TBC1D1: variants seen among roughly 807,000 people sequenced by gnomAD.
The protein encoded by TBC1D1 is TBC1 (tre-2/USP6, BUB2, cdc16) domain family, member 1.
In TBC1D1, 89 loss-of-function variants were observed where a neutral mutation model predicts 125.6. The ratio of observed to expected loss-of-function variants is 0.71; its 90% confidence interval spans 0.60 to 0.85. TBC1D1 has a LOEUF of 0.85. Ranked by LOEUF, TBC1D1 falls within the 40% of genes least tolerant of loss-of-function variation. The probability of loss-of-function intolerance (pLI) is 0.00; values close to 1 mark genes in which losing one functional copy is unlikely to be tolerated. For synonymous variants in TBC1D1, 565 were observed against 564.1 expected (o/e 1.00, Z -0.02); for missense variants, 1,377 against 1,469.2 (o/e 0.94, Z 1.03).
chr4:37,992,067 C>A (rs943101907), intron 2 of TBC1D1, among the ~76,000 whole-genome samples: 2 of 152,132 alleles, frequency 1.3e-5, no homozygotes, highest in Non-Finnish European at 2.9e-5. Context: ...TGGTGGGAGA[C>A]CCTGAGGGTT....
At chr4:38,013,006 G>A (rs561803808) in intron 2 of TBC1D1, among the ~76,000 whole-genome samples, 57 of 152,024 alleles carry the variant, frequency 3.7e-4, no homozygotes, top group South Asian at 1.9e-3. Flanking sequence ...TGTTGGCCAG[G>A]CTGGTCTCAA....
chr4:37,948,906 T>C (rs1023466461), intron 2 of TBC1D1, among the ~76,000 whole-genome samples: 4 of 152,186 alleles, frequency 2.6e-5, no homozygotes, highest in Non-Finnish European at 4.4e-5. Flanking sequence ...TTTCACTTAG[T>C]ATAATGTTTT....
chr4:38,069,865 G>T (rs1754405588), intron 12 of TBC1D1, among the ~76,000 whole-genome samples: 1 of 77,700 alleles, frequency 1.3e-5, no homozygotes. Flanking sequence ...TCTGTTTTTT[G>T]TTTTGTTTTG....
Position 37,964,660 on chromosome 4 carries a change from CG to C in TBC1D1, c.418-49846del, listed in dbSNP as rs201125887. 4.3e-3 allele frequency among the ~76,000 whole-genome samples: 659 copies of C among 152,338 alleles called. 5 individuals are homozygous for C. Among genetic ancestry groups the C allele is most frequent in the African/African-American group, 0.014 (602 of 41,586 alleles). On this transcript the variant is annotated intron_variant, in intron 2 of 19. Coordinates refer to ENST00000261439, the MANE Select transcript of TBC1D1 (RefSeq NM_015173.4). ...GATGGGGACAAGGGGCAGCCTACTGCGGGTCTCACTTTCTTATTAGCCCCTG... is the reference window on the plus strand; with the variant it reads ...GATGGGGACAAGGGGCAGCCTACTGCGGTCTCACTTTCTTATTAGCCCCTG...
rs1742163826 is a variant in TBC1D1 at position 38,014,381 on chromosome 4, G to GTGGGCAC, written c.418-123_418-122insACTGGGC. On this transcript the variant is annotated intron_variant, in intron 2 of 19. Transcript: ENST00000261439. This position sits in a 1 kb window ranked among gnomAD's most constrained non-coding sequence, Gnocchi z 5.1. ...TCCCCTCCCGTGGGCTCCTCCTCCA[G>GTGGGCAC]TGGGCTCCTCCTCCAGTGCTCCGCA... 1.2e-6 allele frequency: 1 copy of GTGGGCAC among 845,656 alleles called. No homozygotes were observed. Among genetic ancestry groups the GTGGGCAC allele is most frequent in the African/African-American group, 1.7e-5 (1 of 59,394 alleles). 52.4% of individuals were successfully genotyped at this position (845,656 alleles called of 1,614,324 possible).
chr4:38,040,382 G>T (rs554792633), intron 8 of TBC1D1, among the ~76,000 whole-genome samples: 1 of 152,100 alleles, frequency 6.6e-6, no homozygotes, highest in Non-Finnish European at 1.5e-5. Flanking sequence ...TCCGCCTCCC[G>T]GGTTCAAGCG....
chr4:38,020,748 A>G, intron 5 of TBC1D1, 53 bp downstream of exon 5: 1 of 1,501,394 alleles, frequency 6.7e-7, no homozygotes, highest in Non-Finnish European at 9.3e-7. Flanking sequence ...AAGGAATTTT[A>G]GCTCCACTGA....
At chr4:38,080,748 C>T (rs1007860903) in intron 12 of TBC1D1, among the ~76,000 whole-genome samples, 8 of 152,088 alleles carry the variant, frequency 5.3e-5, no homozygotes, top group East Asian at 1.9e-4. Context: ...GCACTCTCGC[C>T]ACCTTATGGG....
chr4:38,063,636 T>A lies in TBC1D1; in HGVS notation c.2050+9298T>A, dbSNP rs569499998. ...TGACCACAGTCTAATTTTTTTTATTTTTTATTTTTTGAGACGGAGTATTGC... is the reference window on the plus strand; with the variant it reads ...TGACCACAGTCTAATTTTTTTTATTATTTATTTTTTGAGACGGAGTATTGC... On this transcript the variant is annotated intron_variant, in intron 12 of 19. Transcript: ENST00000261439. 1.1e-3 allele frequency among the ~76,000 whole-genome samples: 172 copies of A among 151,890 alleles called. 1 individual carries two copies. Among genetic ancestry groups the A allele is most frequent in the African/African-American group, 3.8e-3 (158 of 41,442 alleles).
At chr4:38,000,335 G>A (rs1229343523) in intron 2 of TBC1D1, among the ~76,000 whole-genome samples, 1 of 152,096 alleles carries the variant, frequency 6.6e-6, no homozygotes, top group Non-Finnish European at 1.5e-5. Context: ...TTTGAATGTA[G>A]TCAGCAAACC....
At chr4:38,111,960 AG>A in intron 15 of TBC1D1, 1 of 985,450 alleles carries the variant, frequency 1.0e-6, no homozygotes, top group Non-Finnish European at 1.2e-6. Flanking sequence ...GCAGTGGGAC[AG>A]GAAGTTGCAT....
chr4:37,969,142 C>G (rs1731581673), intron 2 of TBC1D1, among the ~76,000 whole-genome samples: 1 of 152,174 alleles, frequency 6.6e-6, no homozygotes, highest in Non-Finnish European at 1.5e-5. Flanking sequence ...GTGTCCTGTC[C>G]TATTTTGTGT....
chr4:38,084,988 T>A (rs996663787), intron 12 of TBC1D1, among the ~76,000 whole-genome samples: 1 of 152,218 alleles, frequency 6.6e-6, no homozygotes, highest in Non-Finnish European at 1.5e-5. Flanking sequence ...TATTCTGCAC[T>A]TGAGAGAGCC....
chr4:37,977,683 G>T lies in TBC1D1; in HGVS notation c.418-36826G>T, dbSNP rs1733478424. ...GGCGCGACCAGGTCGTTAGCCGCGC[G>T]TTTCTCATTCATTAGTCTCCCAGAT... On this transcript the variant is annotated intron_variant, in intron 2 of 19. Transcript: ENST00000261439. The surrounding 1 kb of genome is among the most constrained non-coding windows in gnomAD (Gnocchi z 4.3). Among the ~76,000 whole-genome samples, 1 of 152,014 alleles carries T rather than the reference G, an allele frequency of 6.6e-6. No individual in the cohort carries two copies. Among genetic ancestry groups the T allele is most frequent in the Non-Finnish European group, 1.5e-5 (1 of 67,934 alleles).
chr4:38,090,253 A>C, intron 13 of TBC1D1, 136 bp downstream of exon 15: 3 of 797,110 alleles, frequency 3.8e-6, no homozygotes, highest in Non-Finnish European at 6.0e-6. Flanking sequence ...ATATCTGTTT[A>C]CTTTTTCAGA....
chr4:38,097,592 T>C (rs2152549805), intron 14 of TBC1D1, among the ~76,000 whole-genome samples: 1 of 152,340 alleles, frequency 6.6e-6, no homozygotes, highest in South Asian at 2.1e-4. Flanking sequence ...TCCACCCACC[T>C]TGGCCTCCCA....
chr4:38,063,131 T>G (rs1430849828), intron 12 of TBC1D1, among the ~76,000 whole-genome samples: 1 of 152,210 alleles, frequency 6.6e-6, no homozygotes, highest in East Asian at 1.9e-4. Flanking sequence ...TTGAAGAGTT[T>G]AAAGCAAGTG....
intron 2 of TBC1D1, among the ~76,000 whole-genome samples, chr4:38,006,349 A>G (rs1447144589): frequency 6.6e-6 from 1 of 152,142 alleles, no homozygotes; most frequent in Non-Finnish European, 1.5e-5. Flanking sequence ...CAACAAGGAG[A>G]TGATAACCTC....
intron 14 of TBC1D1, 29 bp downstream of exon 16, chr4:38,096,119 A>G: frequency 5.0e-6 from 8 of 1,590,612 alleles, no homozygotes; most frequent in Non-Finnish European, 6.0e-6. Flanking sequence ...CATCTAGTCA[A>G]CCTCACCCCT....
Sources: allele counts gnomAD v4.1 joint callset (sites outside exome capture counted in the v4.1 genomes callset), GRCh38; gene constraint gnomAD v4.1.1; non-coding constraint Gnocchi (gnomAD v3.1); transcripts MANE v1.5; gene names NCBI Gene and HGNC (gene_info 2026-07-23, HGNC 2026-07-21).